Variants in BIRC2 observed in about 807,000 individuals in gnomAD.
The protein encoded by BIRC2 is baculoviral IAP repeat containing 2, also known as baculoviral IAP repeat-containing protein 2.
In BIRC2, 18 loss-of-function variants were observed where a neutral mutation model predicts 60.9. That is an observed-to-expected ratio of 0.30 (90% CI 0.20 to 0.44). BIRC2 has a LOEUF of 0.44. Ranked by LOEUF, BIRC2 falls within the 20% of genes least tolerant of loss-of-function variation. BIRC2 has a pLI of 1.00. For missense variants in BIRC2, 701 were observed against 728.5 expected, an observed-to-expected ratio of 0.96 and a Z score of 0.43; for synonymous variants, 282 against 247.7, an observed-to-expected ratio of 1.14 and a Z score of -1.30.
intron 3 of BIRC2, among the ~76,000 whole-genome samples, chr11:102,353,679 C>CTTTTT (rs60766578): frequency 3.6e-3 from 307 of 85,704 alleles, no homozygotes; most frequent in African/African-American, 9.5e-3. Flanking sequence ...TAGTAACTTT[C>CTTTTT]TTTTTTTTTT....
intron 6 of BIRC2, among the ~76,000 whole-genome samples, chr11:102,370,697 G>A (rs1373547069): frequency 1.1e-5 from 1 of 88,340 alleles, no homozygotes; most frequent in Non-Finnish European, 2.1e-5. Context: ...TTCCAATTCT[G>A]TGAAGAAAGT....
intron 3 of BIRC2, among the ~76,000 whole-genome samples, chr11:102,354,886 A>G (rs1243295933): frequency 7.0e-6 from 1 of 143,030 alleles, no homozygotes; most frequent in African/African-American, 2.6e-5. Flanking sequence ...CCATTTGTAT[A>G]TCTTTGGGAA....
chr11:102,350,588 C>G lies in BIRC2; in HGVS notation c.734C>G (p.Pro245Arg). Residue 245 changes from proline to arginine, a missense_variant, in exon 2 of 9, where the codon CCC becomes CGC. Physicochemically the swap from Pro to Arg is moderately radical, Grantham distance 103 (BLOSUM62 -2). Around this residue, in one of 4 missense-constraint regions of BIRC2, gnomAD observed 375 missense variants for 365.9 expected, o/e 1.02. Coordinates refer to ENST00000227758, the MANE Select transcript of BIRC2 (RefSeq NM_001166.5). Reference protein sequence around the residue: ...DAMSEHRRHFPNCPFLENSLE... With the variant: ...DAMSEHRRHFRNCPFLENSLE... ...ATGTCAGAACACCGGAGGCATTTTC[C>G]CAACTGTCCATTTTTGGAAAATTCT... 1 of 1,614,168 alleles carries G rather than the reference C, an allele frequency of 6.2e-7. No homozygotes were observed.
At position 102,350,108 on chromosome 11, in the gene BIRC2, G is replaced by C. The variant is rs549630656; in HGVS notation, c.254G>C (p.Cys85Ser). The C allele has an allele frequency of 6.2e-7, 1 of 1,614,220 alleles. No individual in the cohort carries two copies. Among genetic ancestry groups the C allele is most frequent in the African/African-American group, 1.3e-5 (1 of 75,052 alleles). ...GTGAATGACAAGGTCAAATGCTTCT[G>C]TTGTGGCCTGATGCTGGATAACTGG... ...TGVNDKVKCFCCGLMLDNWKL... is the reference protein window; with the variant it reads ...TGVNDKVKCFSCGLMLDNWKL... The change falls in exon 2 of 9, where the codon TGT becomes TCT. Residue 85 changes from cysteine to serine, a missense_variant. Physicochemically the swap from Cys to Ser is moderately radical, Grantham distance 112. Coordinates refer to ENST00000227758, the MANE Select transcript of BIRC2 (RefSeq NM_001166.5).
intron 6 of BIRC2, among the ~76,000 whole-genome samples, chr11:102,373,667 A>G (rs1170197509): frequency 6.6e-6 from 1 of 150,590 alleles, no homozygotes; most frequent in African/African-American, 2.4e-5. Flanking sequence ...CTTCTCGAGG[A>G]GTATCTTTGT....
rs1315076561 is a variant in BIRC2 at position 102,350,148 on chromosome 11, T to C, written c.294T>C (p.Ser98=). ...LMLDNWKLGD[S]PIQKHKQLYP... ...TGGATAACTGGAAACTAGGAGACAG[T>C]CCTATTCAAAAGCATAAACAGCTAT... The change falls in exon 2 of 9, where the codon AGT becomes AGC. Residue 98 remains serine (S), a synonymous_variant. Coordinates refer to ENST00000227758, the MANE Select transcript of BIRC2 (RefSeq NM_001166.5). The C allele has an allele frequency of 1.2e-6, 2 of 1,614,200 alleles. No individual in the cohort carries two copies. The highest frequency in any genetic ancestry group is 1.7e-6 in the Non-Finnish European group (2 of 1,180,036).
chr11:102,367,037 CT>C (rs1403339948), intron 5 of BIRC2, among the ~76,000 whole-genome samples: 2 of 152,116 alleles, frequency 1.3e-5, no homozygotes, highest in East Asian at 3.8e-4. Context: ...TAGCTCACTC[CT>C]TTTTCCCCCC....
rs538351971 is a variant in BIRC2, at chr11:102,347,294, C to G, written c.-1340C>G. Reference sequence around the variant, plus strand: ...GATCCGAGCCGAGCGGGCCGTATCTCCTTGTCGGCGCCGCTGATTCCCGGC... The same window carrying G: ...GATCCGAGCCGAGCGGGCCGTATCTGCTTGTCGGCGCCGCTGATTCCCGGC... On this transcript the variant is annotated 5_prime_UTR_variant, in exon 1 of 9. Coordinates refer to ENST00000227758, the MANE Select transcript of BIRC2 (RefSeq NM_001166.5). The G allele has an allele frequency of 6.6e-6, 1 of 152,348 alleles. No homozygotes were observed. The highest frequency in any genetic ancestry group is 2.4e-5 in the African/African-American group (1 of 41,472). 9.4% of individuals were successfully genotyped at this position (152,348 alleles called of 1,614,324 possible). A position where few individuals can be genotyped will look rare whatever the true frequency, so the allele number is the denominator to read the frequency against.
intron 1 of BIRC2, among the ~76,000 whole-genome samples, chr11:102,348,036 A>G (rs908664782): frequency 5.3e-5 from 8 of 152,196 alleles, no homozygotes; most frequent in African/African-American, 1.4e-4. Context: ...TTCACAGGCC[A>G]CTGTGTTAGG....
At chr11:102,368,577 G>A (rs779175354) in intron 6 of BIRC2, 29 bp downstream of exon 6, 5 of 1,606,262 alleles carry the variant, frequency 3.1e-6, no homozygotes, top group Non-Finnish European at 4.3e-6. Context: ...CACCTGCATT[G>A]TTTCTCAGTG....
At chr11:102,373,235 G>T (rs960201342) in intron 6 of BIRC2, among the ~76,000 whole-genome samples, 5 of 152,064 alleles carry the variant, frequency 3.3e-5, no homozygotes, top group Non-Finnish European at 5.9e-5. Context: ...GATTTTGCTC[G>T]TTAGTTGATG....
At chr11:102,354,399 G>A (rs1005605382) in intron 3 of BIRC2, among the ~76,000 whole-genome samples, 4 of 152,072 alleles carry the variant, frequency 2.6e-5, no homozygotes, top group Admixed American at 2.6e-4. Context: ...TGTAGAGACG[G>A]GGTTTCACCA....
At chr11:102,351,638 GAAAAA>G (rs1951362893) in intron 3 of BIRC2, among the ~76,000 whole-genome samples, 3 of 88,284 alleles carry the variant, frequency 3.4e-5, no homozygotes, top group African/African-American at 1.3e-4. Flanking sequence ...AAAAAAAAAA[GAAAAA>G]AGCATATCTG....
chr11:102,350,428 C>T lies in BIRC2; in HGVS notation c.574C>T (p.His192Tyr). 2 of 1,614,138 alleles carry T rather than the reference C, an allele frequency of 1.2e-6. No homozygotes were observed. Among genetic ancestry groups the T allele is most frequent in the Non-Finnish European group, 1.7e-6 (2 of 1,180,024 alleles). The part of the protein sequence containing the change: ...STEEARFLTY[H>Y]MWPLTFLSPS... ...TGAAGAAGCCAGATTTCTTACCTAC[C>T]ATATGTGGCCATTAACTTTTTTGTC... Residue 192 changes from histidine to tyrosine, a missense_variant, in exon 2 of 9, where the codon CAT (histidine) becomes TAT (tyrosine). This residue lies in a region of BIRC2 where 375 missense variants were observed against 365.9 expected (regional missense o/e 1.02). Coordinates refer to ENST00000227758, the MANE Select transcript of BIRC2 (RefSeq NM_001166.5).
Position 102,350,619 on chromosome 11 carries a change from A to G in BIRC2, c.765A>G (p.Glu255=), listed in dbSNP as rs770158521. The G allele has an allele frequency of 1.2e-6, 2 of 1,614,154 alleles. No individual in the cohort carries two copies. Among genetic ancestry groups the G allele is most frequent in the Admixed American group, 1.7e-5 (1 of 60,016 alleles). ...PNCPFLENSL[E]TLRFSISNLS... is the part of the protein sequence containing the mutation. ...GTCCATTTTTGGAAAATTCTCTAGA[A>G]ACTCTGAGGTTTAGCATTTCAAATC... Residue 255 remains glutamate (E), a synonymous_variant, in exon 2 of 9, where the codon GAA becomes GAG. Transcript: ENST00000227758.
chr11:102,373,749 A>T (rs941867722), intron 6 of BIRC2, among the ~76,000 whole-genome samples: 17 of 151,734 alleles, frequency 1.1e-4, no homozygotes, highest in Non-Finnish European at 7.4e-5. Flanking sequence ...CCTGGATAAT[A>T]TCCTGCAGAG....
At chr11:102,356,875 C>T (rs1951428894) in intron 3 of BIRC2, among the ~76,000 whole-genome samples, 2 of 151,506 alleles carry the variant, frequency 1.3e-5, no homozygotes, top group African/African-American at 4.8e-5. Flanking sequence ...GATGGGGTTT[C>T]ACCAGGCTGG....
intron 3 of BIRC2, among the ~76,000 whole-genome samples, chr11:102,357,075 T>A (rs781479584): frequency 6.6e-6 from 1 of 152,234 alleles, no homozygotes; most frequent in African/African-American, 2.4e-5. Flanking sequence ...TCACTTGATA[T>A]ATGATTCTTC....
chr11:102,356,484 C>T (rs1290603780), intron 3 of BIRC2, among the ~76,000 whole-genome samples: 3 of 152,060 alleles, frequency 2.0e-5, no homozygotes, highest in Admixed American at 6.5e-5. Flanking sequence ...GCGTGAGCCA[C>T]TGCACCCGGC....
Sources: allele counts gnomAD v4.1 joint callset (sites outside exome capture counted in the v4.1 genomes callset), GRCh38; gene constraint gnomAD v4.1.1; regional missense constraint gnomAD v4.1.1; transcripts MANE v1.5; gene names NCBI Gene and HGNC (gene_info 2026-07-23, HGNC 2026-07-21).